The following LRIT3 variants were observed in gnomAD, a reference collection of about 807,000 sequenced individuals.
The protein encoded by LRIT3 is leucine rich repeat, Ig-like and transmembrane domains 3.
A neutral mutation model predicts 22.6 loss-of-function variants in LRIT3; 14 were observed. The ratio of observed to expected loss-of-function variants is 0.62; its 90% CI spans 0.41 to 0.97. The LOEUF is 0.97. Among genes scored for constraint, LRIT3 ranks in the 50% least tolerant of loss-of-function variants. The probability of loss-of-function intolerance (pLI) is 0.00; values close to 1 mark genes in which losing one functional copy is unlikely to be tolerated. For missense variants in LRIT3, 783 were observed against 803.0 expected, an observed-to-expected ratio of 0.98 and a Z score of 0.30; for synonymous variants, 306 against 304.5, an observed-to-expected ratio of 1.01 and a Z score of -0.05.
rs1477464009 is a variant in LRIT3 at position 109,870,314 on chromosome 4, A to G, written c.1565A>G (p.Tyr522Cys). ...NSAVTVLYSK[Y>C]GGKDLLLLNA... is the part of the protein sequence containing the mutation. ...GCAGTGACTGTGTTGTATTCCAAGT[A>G]TGGTGGGAAGGACCTGCTGCTGTTG... Residue 522 changes from tyrosine to cysteine, a missense_variant, in exon 4 of 4, where the codon TAT becomes TGT. Physicochemically the swap from Tyr to Cys is radical, Grantham distance 194. Around this residue, in one of 2 missense-constraint regions of LRIT3, gnomAD observed 756 missense variants for 753.8 expected, o/e 1.00. Coordinates refer to ENST00000594814, the MANE Select transcript of LRIT3 (RefSeq NM_198506.5). 3.1e-6 allele frequency: 5 copies of G among 1,614,110 alleles called. No homozygotes were observed. In the Admixed American group the frequency reaches 5.0e-5, roughly 16 times the overall value.
At chr4:109,860,075 G>T (rs1199647870) in intron 2 of LRIT3, among the ~76,000 whole-genome samples, 1 of 152,038 alleles carries the variant, frequency 6.6e-6, no homozygotes, top group Non-Finnish European at 1.5e-5. Flanking sequence ...ATAAAACCAG[G>T]TTTTGTTTTG....
chr4:109,865,325 A>G, intron 2 of LRIT3: 1 of 1,596,182 alleles, frequency 6.3e-7, no homozygotes, highest in South Asian at 1.1e-5. Flanking sequence ...TCATATATTT[A>G]AATCTGGCCT....
chr4:109,861,433 C>T (rs1293103723), intron 2 of LRIT3, among the ~76,000 whole-genome samples: 1 of 151,744 alleles, frequency 6.6e-6, no homozygotes, highest in African/African-American at 2.4e-5. Flanking sequence ...TACATTCCCA[C>T]TAGCACTGCA....
At position 109,865,292 on chromosome 4, in the gene LRIT3, C is replaced by G. The variant is rs558510435; in HGVS notation, c.590-2349C>G. On this transcript the variant is annotated intron_variant, in intron 2 of 3. Coordinates refer to ENST00000594814, the MANE Select transcript of LRIT3 (RefSeq NM_198506.5). ...GTAAAGTTGGTGAGAATGTCATTTC[C>G]TATTACTTTTAAAATTTCTCTTTCA... 1.9e-4 allele frequency: 308 copies of G among 1,599,990 alleles called. 5 individuals carry two copies. The South Asian group carries it at 3.4e-3, about 17-fold the overall frequency.
chr4:109,850,951 C>CTT (rs35145155), intron 1 of LRIT3, among the ~76,000 whole-genome samples: 1 of 150,332 alleles, frequency 6.7e-6, no homozygotes, highest in African/African-American at 2.4e-5. Context: ...ACTGTGAACA[C>CTT]TTTTTTTTTT....
At chr4:109,865,985 A>T (rs995776761) in intron 2 of LRIT3, among the ~76,000 whole-genome samples, 1 of 152,214 alleles carries the variant, frequency 6.6e-6, no homozygotes, top group African/African-American at 2.4e-5. Flanking sequence ...ATAACTAGGT[A>T]TAGATTAACA....
At chr4:109,850,406 C>CTTTCTTTCTTTCTTTCTTT (rs1475607293) in intron 1 of LRIT3, among the ~76,000 whole-genome samples, 2 of 1,480 alleles carry the variant, frequency 1.4e-3, no homozygotes, top group African/African-American at 9.5e-4. Flanking sequence ...TTCCTTCCTT[C>CTTTCTTTCTTTCTTTCTTT]CTTCCTTCCT....
intron 2 of LRIT3, among the ~76,000 whole-genome samples, chr4:109,855,210 A>G (rs1217661729): frequency 1.3e-5 from 2 of 152,096 alleles, no homozygotes; most frequent in Non-Finnish European, 2.9e-5. Context: ...TACTGCCTCA[A>G]TTTCAGAACT....
chr4:109,853,268 C>T (rs1050468795), intron 2 of LRIT3, among the ~76,000 whole-genome samples: 3 of 152,096 alleles, frequency 2.0e-5, no homozygotes, highest in South Asian at 2.1e-4. Context: ...TTTTAATGAT[C>T]GCCATTCTAA....
intron 2 of LRIT3, among the ~76,000 whole-genome samples, chr4:109,853,049 G>A (rs1734312149): frequency 6.6e-6 from 1 of 152,164 alleles, no homozygotes; most frequent in Non-Finnish European, 1.5e-5. Flanking sequence ...ACATACATGT[G>A]CATGTGTCTT....
At chr4:109,850,247 T>A (rs1734175997) in intron 1 of LRIT3, among the ~76,000 whole-genome samples, 4 of 152,178 alleles carry the variant, frequency 2.6e-5, no homozygotes, top group Non-Finnish European at 5.9e-5. Context: ...TGTTCATTTT[T>A]CATAATTCAG....
In LRIT3 at chr4:109,854,420, T is replaced by TCTATA. The variant is rs1410556061; in HGVS notation, c.589+2444_589+2445insCTATA. On this transcript the variant is annotated intron_variant, in intron 2 of 3. Coordinates refer to ENST00000594814, the MANE Select transcript of LRIT3 (RefSeq NM_198506.5). ...TTGGTGTATAGAAATGCTTGTGATT[T>TCTATA]TAGCACATTGATTTTGTATCCTGAG... Among the ~76,000 whole-genome samples the TCTATA allele has an allele frequency of 2.6e-5, 4 of 152,256 alleles. No homozygotes were observed. In the East Asian group the frequency reaches 7.7e-4, roughly 29 times the overall value.
intron 2 of LRIT3, among the ~76,000 whole-genome samples, chr4:109,855,080 C>A (rs1158776670): frequency 6.6e-6 from 1 of 152,034 alleles, no homozygotes; most frequent in African/African-American, 2.4e-5. Flanking sequence ...ATGATGCTGG[C>A]CTCATAAAAT....
intron 2 of LRIT3, among the ~76,000 whole-genome samples, chr4:109,856,788 T>C (rs1190487341): frequency 1.3e-5 from 2 of 152,182 alleles, no homozygotes; most frequent in African/African-American, 4.8e-5. Context: ...GATCAATACC[T>C]GACTGAGAAT....
chr4:109,865,173 C>T, intron 2 of LRIT3: 1 of 1,462,394 alleles, frequency 6.8e-7, no homozygotes, highest in Non-Finnish European at 9.3e-7. Flanking sequence ...GTCAACTCTC[C>T]CATTTTGCCG....
intron 1 of LRIT3, among the ~76,000 whole-genome samples, chr4:109,850,340 A>G (rs1459408138): frequency 6.7e-6 from 1 of 149,278 alleles, no homozygotes; most frequent in South Asian, 2.1e-4. Flanking sequence ...AAATTTACAC[A>G]TGGGACAGTG....
At chr4:109,859,689 C>T (rs2125899216) in intron 2 of LRIT3, among the ~76,000 whole-genome samples, 1 of 152,272 alleles carries the variant, frequency 6.6e-6, no homozygotes, top group African/African-American at 2.4e-5. Context: ...CCACAAGGGT[C>T]ACATTCCATT....
chr4:109,860,733 A>C lies in LRIT3; in HGVS notation c.590-6908A>C, dbSNP rs554974511. On this transcript the variant is annotated intron_variant, in intron 2 of 3. Transcript: ENST00000594814. The stretch of plus-strand genomic sequence containing the variant: ...AGTCAATCTTGCCTCACCTATTTGA[A>C]TTTTCATCACTATAGGTTAATTGTG... 3.3e-5 allele frequency among the ~76,000 whole-genome samples: 5 copies of C among 152,294 alleles called. No homozygotes were observed. The East Asian group carries it at 9.7e-4, about 29-fold the overall frequency.
Position 109,870,655 on chromosome 4 carries a change from T to G in LRIT3, c.1906T>G (p.Ser636Ala), listed in dbSNP as rs1280726967. 1 of 1,613,980 alleles carries G rather than the reference T, an allele frequency of 6.2e-7. No individual in the cohort carries two copies. Among genetic ancestry groups the G allele is most frequent in the Non-Finnish European group, 8.5e-7 (1 of 1,180,016 alleles). The change falls in exon 4 of 4, where the codon TCT (serine) becomes GCT (alanine). Residue 636 changes from serine (S) to alanine (A), a missense_variant. By Grantham distance (99) the Ser-to-Ala change is moderately conservative (BLOSUM62 1). Transcript: ENST00000594814. ...CCAATTTGAGACCCTGTTTCCCAGGTCTCAAAGTGTAGGTGAGCTCTGGAC... is the reference window on the plus strand; with the variant it reads ...CCAATTTGAGACCCTGTTTCCCAGGGCTCAAAGTGTAGGTGAGCTCTGGAC... ...YIQFETLFPR[S>A]QSVGELWTRS... is the part of the protein sequence containing the mutation.
Sources: allele counts gnomAD v4.1 joint callset (sites outside exome capture counted in the v4.1 genomes callset), GRCh38; gene constraint gnomAD v4.1.1; regional missense constraint gnomAD v4.1.1; transcripts MANE v1.5; gene names NCBI Gene and HGNC (gene_info 2026-07-23, HGNC 2026-07-21).